The following BMPR1B variants were observed in gnomAD, a reference collection of about 807,000 sequenced individuals.
BMPR1B encodes bone morphogenetic protein receptor type 1B, also known as bone morphogenetic protein receptor type-1B.
Under a neutral mutation model 59.1 loss-of-function variants are expected in BMPR1B, and 12 were observed. That is an observed-to-expected ratio of 0.20 (90% CI 0.13 to 0.33). The LOEUF is 0.33. Among genes scored for constraint, BMPR1B ranks in the 10% least tolerant of loss-of-function variants. The pLI is 1.00. For synonymous variants in BMPR1B, 237 were observed against 207.3 expected, an observed-to-expected ratio of 1.14 and a Z score of -1.23; for missense variants, 550 against 610.9, an observed-to-expected ratio of 0.90 and a Z score of 1.05.
intron 3 of BMPR1B, among the ~76,000 whole-genome samples, chr4:95,025,202 G>C (rs930724639): frequency 6.6e-6 from 1 of 152,098 alleles, no homozygotes; most frequent in African/African-American, 2.4e-5. Context: ...GATTATTTTC[G>C]CAAAGGGGAA....
chr4:95,035,292 A>G (rs1410099601), intron 3 of BMPR1B, among the ~76,000 whole-genome samples: 1 of 152,016 alleles, frequency 6.6e-6, no homozygotes, highest in African/African-American at 2.4e-5. Flanking sequence ...ATTAGGTCCC[A>G]TGTATTTATC....
Position 95,114,830 on chromosome 4 carries a change from A to G in BMPR1B, c.246+8A>G, listed in dbSNP as rs1314969203. 3.1e-6 allele frequency: 5 copies of G among 1,590,344 alleles called. No individual in the cohort carries two copies. In the African/African-American group the frequency reaches 4.0e-5, roughly 13 times the overall value. ...TCAGATTTTCAGTGTCGGGTAAGGT[A>G]GATAACTTGATTCTGTAACCTTTCA... is the stretch of plus-strand genomic sequence containing the variant. On this transcript the variant is annotated splice_region_variant and intron_variant, in intron 5 of 12. Transcript: ENST00000515059.
intron 3 of BMPR1B, among the ~76,000 whole-genome samples, chr4:95,051,358 G>A (rs569770805): frequency 3.3e-5 from 5 of 152,332 alleles, no homozygotes; most frequent in South Asian, 4.1e-4. Flanking sequence ...ATAGCTGCCC[G>A]AGAGATTTGG....
intron 1 of BMPR1B, among the ~76,000 whole-genome samples, chr4:94,815,105 A>G (rs2110644718): frequency 6.6e-6 from 1 of 152,176 alleles, no homozygotes; most frequent in Non-Finnish European, 1.5e-5. Context: ...GGGTTTCGCC[A>G]TGTTGGTCAG....
intron 2 of BMPR1B, among the ~76,000 whole-genome samples, chr4:94,982,777 G>T (rs181685504): frequency 0.013 from 1,989 of 152,182 alleles, 14 homozygotes; most frequent in Middle Eastern, 0.034. Flanking sequence ...CGGATCAGGA[G>T]ATCAAGACCA....
intron 1 of BMPR1B, among the ~76,000 whole-genome samples, chr4:94,763,610 T>G (rs937454651): frequency 2.6e-5 from 4 of 152,238 alleles, no homozygotes; most frequent in African/African-American, 9.6e-5. Context: ...TAACGTTTCT[T>G]GCCTGGCTGT....
chr4:94,787,845 A>G (rs1225040228), intron 1 of BMPR1B, among the ~76,000 whole-genome samples: 2 of 152,134 alleles, frequency 1.3e-5, no homozygotes, highest in African/African-American at 2.4e-5. Context: ...CAAGGGACCT[A>G]TTTTATACTG....
At chr4:95,101,976 A>G (rs1333159620) in intron 3 of BMPR1B, among the ~76,000 whole-genome samples, 1 of 152,160 alleles carries the variant, frequency 6.6e-6, no homozygotes, top group Non-Finnish European at 1.5e-5. Context: ...TAACTAGAAT[A>G]CCCTGTAAGT....
At chr4:94,868,799 G>A (rs901156211) in intron 1 of BMPR1B, among the ~76,000 whole-genome samples, 1 of 152,168 alleles carries the variant, frequency 6.6e-6, no homozygotes, top group Non-Finnish European at 1.5e-5. Context: ...ATGAGTATTT[G>A]TGTTTACCTA....
chr4:94,797,729 C>A (rs895824698), intron 1 of BMPR1B, among the ~76,000 whole-genome samples: 3 of 152,106 alleles, frequency 2.0e-5, no homozygotes. Flanking sequence ...TGAAGAAATT[C>A]TTGTGGAGTA....
intron 3 of BMPR1B, among the ~76,000 whole-genome samples, chr4:95,016,933 A>T (rs925352401): frequency 1.6e-4 from 25 of 152,334 alleles, no homozygotes; most frequent in African/African-American, 5.8e-4. Flanking sequence ...ATGATTTATT[A>T]TAGGGAGACA....
chr4:95,006,945 G>A (rs1722885588), intron 3 of BMPR1B, among the ~76,000 whole-genome samples: 1 of 152,114 alleles, frequency 6.6e-6, no homozygotes, highest in South Asian at 2.1e-4. Context: ...GAGAAGTAGT[G>A]CAGCAATTCA....
intron 2 of BMPR1B, among the ~76,000 whole-genome samples, chr4:94,981,619 T>C (rs1721088384): frequency 6.6e-6 from 1 of 152,206 alleles, no homozygotes; most frequent in Admixed American, 6.5e-5. Flanking sequence ...TGATTTCAGC[T>C]GTTAAAAAAT....
intron 1 of BMPR1B, among the ~76,000 whole-genome samples, chr4:94,770,535 C>A (rs1203433124): frequency 2.6e-5 from 4 of 151,948 alleles, no homozygotes; most frequent in African/African-American, 9.7e-5. Context: ...TTTTGGAGAT[C>A]TTGTAGGTTA....
intron 2 of BMPR1B, among the ~76,000 whole-genome samples, chr4:94,940,252 C>A (rs1729459099): frequency 6.6e-6 from 1 of 152,190 alleles, no homozygotes; most frequent in African/African-American, 2.4e-5. Context: ...CCCAGGACAG[C>A]TTTGAATGCG....
At chr4:94,951,178 A>T (rs1449276674) in intron 2 of BMPR1B, among the ~76,000 whole-genome samples, 1 of 152,198 alleles carries the variant, frequency 6.6e-6, no homozygotes, top group Non-Finnish European at 1.5e-5. Context: ...TTGGGCTCAG[A>T]TGATGGGGTT....
At chr4:95,094,563 A>G (rs1341490316) in intron 3 of BMPR1B, among the ~76,000 whole-genome samples, 1 of 152,096 alleles carries the variant, frequency 6.6e-6, no homozygotes, top group Non-Finnish European at 1.5e-5. Context: ...ACTATGTGCA[A>G]AGAACCATAG....
At chr4:94,771,056 AAG>A (rs1722168912) in intron 1 of BMPR1B, among the ~76,000 whole-genome samples, 1 of 152,186 alleles carries the variant, frequency 6.6e-6, no homozygotes, top group Non-Finnish European at 1.5e-5. Flanking sequence ...CTGTGGATAA[AAG>A]AGGTGACATT....
chr4:94,843,926 A>C (rs1023167821), intron 1 of BMPR1B, among the ~76,000 whole-genome samples: 1 of 152,294 alleles, frequency 6.6e-6, no homozygotes, highest in East Asian at 1.9e-4. Flanking sequence ...TAAACCAGAA[A>C]CTTCTAAGAC....
Sources: gnomAD v4.1 joint callset for allele counts (sites outside exome capture counted in the v4.1 genomes callset) on GRCh38, gnomAD v4.1.1 for gene constraint, MANE v1.5 for transcripts, NCBI Gene and HGNC (gene_info 2026-07-23, HGNC 2026-07-21) for gene names.